Variants in SNTG1 observed in about 807,000 individuals in gnomAD.
SNTG1 encodes the protein gamma-1-syntrophin.
In SNTG1, 39 loss-of-function variants were observed where a neutral mutation model predicts 74.7. The observed-to-expected ratio is 0.52, with a 90% confidence interval of 0.40 to 0.68. The LOEUF is 0.68. SNTG1 is among the 30% of genes least tolerant of loss of function. The pLI, the probability that SNTG1 is intolerant of heterozygous loss-of-function variation, is 0.00. For missense variants in SNTG1, 685 were observed against 609.5 expected (o/e 1.12, Z -1.30); for synonymous variants, 254 against 217.1 (o/e 1.17, Z -1.49).
intron 15 of SNTG1, among the ~76,000 whole-genome samples, chr8:50,702,240 T>C (rs2131516380): frequency 6.6e-6 from 1 of 152,280 alleles, no homozygotes; most frequent in Admixed American, 6.5e-5. Context: ...CCTCCATAGA[T>C]ATTATAACCC....
intron 14 of SNTG1, among the ~76,000 whole-genome samples, chr8:50,657,790 C>T (rs1319507607): frequency 6.6e-6 from 1 of 151,988 alleles, no homozygotes; most frequent in Non-Finnish European, 1.5e-5. Context: ...ATTCTATATC[C>T]TAGTTATTGA....
intron 1 of SNTG1, among the ~76,000 whole-genome samples, chr8:50,049,749 C>A (rs908284395): frequency 2.0e-5 from 3 of 151,916 alleles, no homozygotes; most frequent in Non-Finnish European, 4.4e-5. Flanking sequence ...TAGAAACATA[C>A]AAAGTATAAT....
At chr8:50,167,927 AT>A (rs960307223) in intron 1 of SNTG1, among the ~76,000 whole-genome samples, 1 of 151,902 alleles carries the variant, frequency 6.6e-6, no homozygotes, top group Non-Finnish European at 1.5e-5. Context: ...TATCATTATG[AT>A]TTTTTCTAAT....
chr8:50,303,857 T>C (rs2089760083), intron 2 of SNTG1, among the ~76,000 whole-genome samples: 1 of 152,174 alleles, frequency 6.6e-6, no homozygotes, highest in Admixed American at 6.6e-5. Flanking sequence ...CTCCATTTGA[T>C]GTTTTTATTT....
At chr8:50,377,914 A>C (rs576852689) in intron 2 of SNTG1, among the ~76,000 whole-genome samples, 384 of 152,348 alleles carry the variant, frequency 2.5e-3, no homozygotes, top group Non-Finnish European at 4.2e-3. Flanking sequence ...GTCAAAACTG[A>C]GTTAATATCA....
intron 1 of SNTG1, among the ~76,000 whole-genome samples, chr8:50,134,603 G>A (rs1035332200): frequency 3.3e-5 from 5 of 152,150 alleles, no homozygotes; most frequent in African/African-American, 1.2e-4. Context: ...TGATGACAGG[G>A]AAAGATAGAA....
rs557537026 is a variant in SNTG1 at position 50,650,091 on chromosome 8, T to C, written c.850-6818T>C. Among the ~76,000 whole-genome samples the C allele has an allele frequency of 1.9e-3, 295 of 152,052 alleles. 2 individuals are homozygous for C. The highest frequency in any genetic ancestry group is 9.7e-3 in the South Asian group (47 of 4,826). On this transcript the variant is annotated intron_variant, in intron 13 of 18. Transcript: ENST00000642720. ...ACTGATCTCCAAAGAATAATTTAAA[T>C]AATTCACCATTAAATACATTTTTAA...
intron 12 of SNTG1, among the ~76,000 whole-genome samples, chr8:50,571,365 A>G (rs1222506132): frequency 6.6e-6 from 1 of 152,226 alleles, no homozygotes; most frequent in Non-Finnish European, 1.5e-5. Context: ...ATTGATCCCC[A>G]GGTGACATAC....
intron 2 of SNTG1, among the ~76,000 whole-genome samples, chr8:50,215,989 A>AT (rs937047728): frequency 7.2e-5 from 11 of 152,114 alleles, no homozygotes; most frequent in African/African-American, 2.4e-4. Flanking sequence ...AAATCAAGGA[A>AT]TTTTTTTACA....
chr8:50,473,271 G>A (rs1563436162), intron 8 of SNTG1, among the ~76,000 whole-genome samples: 1 of 152,116 alleles, frequency 6.6e-6, no homozygotes, highest in African/African-American at 2.4e-5. Context: ...ACCTTATGAA[G>A]AAGATGCCTT....
intron 13 of SNTG1, among the ~76,000 whole-genome samples, chr8:50,631,684 T>C (rs1040436741): frequency 2.0e-5 from 3 of 152,204 alleles, no homozygotes; most frequent in African/African-American, 7.2e-5. Context: ...CTTTATTACT[T>C]CTTTAAGTGT....
intron 12 of SNTG1, among the ~76,000 whole-genome samples, chr8:50,564,904 C>A (rs1169814751): frequency 6.6e-6 from 1 of 152,044 alleles, no homozygotes; most frequent in African/African-American, 2.4e-5. Context: ...TAGCAATCTT[C>A]TTCCAGCGTT....
At position 49,938,544 on chromosome 8, in the gene SNTG1, C is replaced by CTTCT. The variant is rs71550209; in HGVS notation, c.-103+26316_-103+26319dup. Among the ~76,000 whole-genome samples the CTTCT allele has an allele frequency of 8.2e-3, 863 of 104,884 alleles. 48 individuals carry two copies. The highest frequency in any genetic ancestry group is 0.032 in the African/African-American group (811 of 25,246). The allele number at this position is 104,884 out of a possible 152,430, so 68.8% of individuals were successfully genotyped here. A position where few individuals can be genotyped will look rare whatever the true frequency, so the allele number is the denominator to read the frequency against. Reference sequence around the variant, plus strand: ...TTTGTCCCTCCCTATCTTACCATGCCTTCTTTTCTTTTGTTTTCTTTTCTT... The same window carrying CTTCT: ...TTTGTCCCTCCCTATCTTACCATGCCTTCTTTCTTTTCTTTTGTTTTCTTTTCTT... On this transcript the variant is annotated intron_variant, in intron 1 of 18. Transcript: ENST00000642720.
intron 1 of SNTG1, among the ~76,000 whole-genome samples, chr8:50,087,954 C>T (rs1823066144): frequency 7.8e-6 from 1 of 127,410 alleles, no homozygotes; most frequent in Admixed American, 8.7e-5. Flanking sequence ...ACCACAGTCC[C>T]CAGAGTGTGA....
chr8:50,188,392 C>G (rs910357334), intron 2 of SNTG1, among the ~76,000 whole-genome samples: 1 of 152,084 alleles, frequency 6.6e-6, no homozygotes, highest in African/African-American at 2.4e-5. Context: ...TTTTCCTTTG[C>G]GATTGTCTTC....
At chr8:50,329,264 C>T (rs887278929) in intron 2 of SNTG1, among the ~76,000 whole-genome samples, 2 of 152,102 alleles carry the variant, frequency 1.3e-5, no homozygotes, top group African/African-American at 2.4e-5. Context: ...AGGACAGTGG[C>T]CCCCTTCTTA....
At chr8:50,042,765 G>A (rs918185027) in intron 1 of SNTG1, among the ~76,000 whole-genome samples, 1 of 149,600 alleles carries the variant, frequency 6.7e-6, no homozygotes, top group Non-Finnish European at 1.5e-5. Flanking sequence ...GTCTTGCATT[G>A]TTCCCCAGAC....
intron 4 of SNTG1, among the ~76,000 whole-genome samples, chr8:50,410,453 G>T (rs891903476): frequency 6.6e-6 from 1 of 151,980 alleles, no homozygotes; most frequent in Non-Finnish European, 1.5e-5. Context: ...TAATGAGATT[G>T]CATTCTTCTT....
At chr8:50,308,848 G>A (rs1243026166) in intron 2 of SNTG1, among the ~76,000 whole-genome samples, 2 of 151,908 alleles carry the variant, frequency 1.3e-5, no homozygotes, top group Admixed American at 6.6e-5. Context: ...TTCTGCCCTC[G>A]TTTTCCTGGC....
Sources: gnomAD v4.1 joint callset for allele counts (sites outside exome capture counted in the v4.1 genomes callset) on GRCh38, gnomAD v4.1.1 for gene constraint, MANE v1.5 for transcripts, NCBI Gene and HGNC (gene_info 2026-07-23, HGNC 2026-07-21) for gene names.